BCKDHB: variants seen among roughly 807,000 people sequenced by gnomAD.
The protein encoded by BCKDHB is branched chain keto acid dehydrogenase E1 subunit beta.
Under a neutral mutation model 48.5 loss-of-function variants are expected in BCKDHB, and 41 were observed. The ratio of observed to expected loss-of-function variants is 0.85; its 90% CI spans 0.66 to 1.10. BCKDHB has a LOEUF of 1.10. BCKDHB is among the 50% of genes least tolerant of loss of function. BCKDHB has a pLI of 0.00. For missense variants in BCKDHB, 496 were observed against 494.2 expected (o/e 1.00, Z -0.03); for synonymous variants, 201 against 174.8 (o/e 1.15, Z -1.18).
At chr6:80,418,158 G>C in the BCKDHB span, among the ~76,000 whole-genome samples, 1 of 152,058 alleles carries the variant, frequency 6.6e-6, no homozygotes, top group Admixed American at 6.6e-5. Context: ...TGAAATTCTT[G>C]TATTGTGTTT....
chr6:80,276,348 A>T (rs1777967313), intron 9 of BCKDHB, among the ~76,000 whole-genome samples: 1 of 151,970 alleles, frequency 6.6e-6, no homozygotes, highest in South Asian at 2.1e-4. Flanking sequence ...ATGCTGTTTT[A>T]TTCAAAAGTT....
chr6:80,168,732 G>A (rs947966501), intron 4 of BCKDHB, 143 bp from the exon 5 acceptor site: 4 of 892,046 alleles, frequency 4.5e-6, no homozygotes, highest in East Asian at 5.2e-5. Flanking sequence ...GGAAGGAAGA[G>A]GGGGAGGGAG....
At chr6:80,315,525 C>T (rs9361599) in intron 9 of BCKDHB, among the ~76,000 whole-genome samples, 5 of 151,840 alleles carry the variant, frequency 3.3e-5, no homozygotes, top group African/African-American at 1.2e-4. Context: ...TTACTCACCC[C>T]CCTTTTGTTG....
chr6:80,415,094 G>T, the BCKDHB span, among the ~76,000 whole-genome samples: 1 of 152,092 alleles, frequency 6.6e-6, no homozygotes, highest in East Asian at 1.9e-4. Flanking sequence ...AGAAATGTTA[G>T]TGACTTTTGC....
At chr6:80,132,879 A>C (rs78283495) in intron 3 of BCKDHB, among the ~76,000 whole-genome samples, 1 of 152,236 alleles carries the variant, frequency 6.6e-6, no homozygotes. Flanking sequence ...TTAAAAAGTA[A>C]CATATACTTA....
chr6:80,295,665 G>A (rs1767197336), intron 9 of BCKDHB, among the ~76,000 whole-genome samples: 1 of 150,640 alleles, frequency 6.6e-6, no homozygotes, highest in African/African-American at 2.4e-5. Context: ...ACACTAATAA[G>A]TATATTGTCA....
intron 8 of BCKDHB, among the ~76,000 whole-genome samples, chr6:80,270,283 CA>C (rs1354334915): frequency 6.6e-6 from 1 of 152,052 alleles, no homozygotes; most frequent in Non-Finnish European, 1.5e-5. Flanking sequence ...TGACATAATA[CA>C]TTTTAATACT....
At chr6:80,109,990 T>A (rs1181296375) in intron 1 of BCKDHB, among the ~76,000 whole-genome samples, 1 of 152,248 alleles carries the variant, frequency 6.6e-6, no homozygotes, top group African/African-American at 2.4e-5. Context: ...TAAAAAATAT[T>A]GAAGAACATA....
chr6:80,290,801 G>A (rs1441687015), intron 9 of BCKDHB, among the ~76,000 whole-genome samples: 4 of 152,206 alleles, frequency 2.6e-5, no homozygotes, highest in Non-Finnish European at 5.9e-5. Flanking sequence ...GCAGCCCCAA[G>A]GGCTGGTGGT....
the BCKDHB span, chr6:80,440,780 G>C: frequency 6.6e-6 from 1 of 152,162 alleles, no homozygotes; most frequent in Non-Finnish European, 1.5e-5. Flanking sequence ...CCTGCCGAAG[G>C]ACCTGGGCTT....
At chr6:80,225,240 T>C (rs1203737988) in intron 8 of BCKDHB, among the ~76,000 whole-genome samples, 3 of 152,170 alleles carry the variant, frequency 2.0e-5, no homozygotes, top group African/African-American at 7.2e-5. Context: ...AAAATGGTCC[T>C]TTAGATATGG....
At chr6:80,290,466 C>T (rs186538921) in intron 9 of BCKDHB, among the ~76,000 whole-genome samples, 3 of 152,294 alleles carry the variant, frequency 2.0e-5, no homozygotes, top group East Asian at 1.9e-4. Context: ...CCGCCCACTG[C>T]GGAGCATGCC....
chr6:80,174,447 T>C (rs989479505), intron 6 of BCKDHB, among the ~76,000 whole-genome samples: 1 of 152,118 alleles, frequency 6.6e-6, no homozygotes, highest in Non-Finnish European at 1.5e-5. Flanking sequence ...TCAAGTCCCA[T>C]GGCTGGCCTG....
intron 8 of BCKDHB, among the ~76,000 whole-genome samples, chr6:80,251,382 G>T (rs1194706149): frequency 6.6e-6 from 1 of 152,184 alleles, no homozygotes; most frequent in Non-Finnish European, 1.5e-5. Context: ...TCCTGTTCAA[G>T]GTTGGAGGAC....
At chr6:80,291,295 C>A (rs1224513844) in intron 9 of BCKDHB, among the ~76,000 whole-genome samples, 1 of 152,146 alleles carries the variant, frequency 6.6e-6, no homozygotes, top group East Asian at 1.9e-4. Flanking sequence ...CGATGACATT[C>A]CTCTCTAATT....
At chr6:80,118,572 C>T (rs1769832814) in intron 1 of BCKDHB, among the ~76,000 whole-genome samples, 1 of 151,874 alleles carries the variant, frequency 6.6e-6, no homozygotes, top group Non-Finnish European at 1.5e-5. Context: ...TAGAATCTTC[C>T]TTTCATGACA....
At chr6:80,184,884 G>A (rs1246901637) in intron 6 of BCKDHB, among the ~76,000 whole-genome samples, 2 of 152,074 alleles carry the variant, frequency 1.3e-5, no homozygotes, top group Non-Finnish European at 2.9e-5. Flanking sequence ...CCTTTGTCTT[G>A]ACTTTAGATA....
At chr6:80,364,339 G>A in the BCKDHB span, among the ~76,000 whole-genome samples, 2 of 152,312 alleles carry the variant, frequency 1.3e-5, no homozygotes, top group Admixed American at 1.3e-4. Context: ...CAAGAGGCCT[G>A]CAGGGAGGCA....
At chr6:80,272,052 C>T (rs953807433) in intron 8 of BCKDHB, among the ~76,000 whole-genome samples, 12 of 151,938 alleles carry the variant, frequency 7.9e-5, no homozygotes, top group South Asian at 4.1e-4. Flanking sequence ...CTAAGGTTAG[C>T]GTTTCACTGG....
Sources: allele counts gnomAD v4.1 joint callset (sites outside exome capture counted in the v4.1 genomes callset), GRCh38; gene constraint gnomAD v4.1.1; transcripts MANE v1.5; gene names NCBI Gene and HGNC (gene_info 2026-07-23, HGNC 2026-07-21).